ADA2: variants seen among roughly 807,000 people sequenced by gnomAD.
The protein encoded by ADA2 is adenosine deaminase 2, also known as adenosine deaminase CECR1.
In ADA2, 29 loss-of-function variants were observed where a neutral mutation model predicts 44.2. The ratio of observed to expected loss-of-function variants is 0.66; its 90% CI spans 0.49 to 0.89. ADA2 has a LOEUF of 0.89. ADA2 is among the 40% of genes least tolerant of loss of function. The pLI, the probability that ADA2 is intolerant of heterozygous loss-of-function variation, is 0.00. For missense variants in ADA2, 637 were observed against 644.8 expected, an observed-to-expected ratio of 0.99 and a Z score of 0.13; for synonymous variants, 215 against 234.9, an observed-to-expected ratio of 0.92 and a Z score of 0.77.
chr22:17,181,293 C>G lies in ADA2; in HGVS notation c.*190G>C. ...AGAGACAGGAGAAAACCAAGAGGGTCAATGTCACTGTGGCTGAGAGAGAAT... is the reference window on the plus strand; with the variant it reads ...AGAGACAGGAGAAAACCAAGAGGGTGAATGTCACTGTGGCTGAGAGAGAAT... On this transcript the variant is annotated 3_prime_UTR_variant, in exon 10 of 10. Transcript: ENST00000399837. 1 of 607,830 alleles carries G rather than the reference C, an allele frequency of 1.6e-6. No homozygotes were observed. The allele number at this position is 607,830 out of a possible 1,614,324, so 37.7% of individuals were successfully genotyped here. A position where few individuals can be genotyped will look rare whatever the true frequency, so the allele number is the denominator to read the frequency against.
chr22:17,182,100 G>T (rs28670875), intron 8 of ADA2, 78 bp from the exon 9 acceptor site: 2 of 1,126,212 alleles, frequency 1.8e-6, no homozygotes, highest in Non-Finnish European at 2.6e-6. Flanking sequence ...GAGACCTTGA[G>T]CCCCATCAGC....
intron 3 of ADA2, 58 bp downstream of exon 3, chr22:17,207,013 C>G: frequency 7.5e-7 from 1 of 1,333,688 alleles, no homozygotes; most frequent in Non-Finnish European, 1.1e-6. Flanking sequence ...AGGGAGACAC[C>G]TACCCACTGC....
upstream of ADA2, among the ~76,000 whole-genome samples, chr22:17,220,399 C>T (rs1323006092): frequency 6.6e-6 from 1 of 152,046 alleles, no homozygotes; most frequent in East Asian, 1.9e-4. Flanking sequence ...GGGCCTCGAC[C>T]AAGTTGTTTC....
upstream of ADA2, among the ~76,000 whole-genome samples, chr22:17,219,768 G>A (rs1295340562): frequency 2.1e-5 from 3 of 139,990 alleles, no homozygotes; most frequent in South Asian, 2.5e-4. Flanking sequence ...TCCGCCTCCC[G>A]GGTTCAAGCA....
intron 1 of ADA2, among the ~76,000 whole-genome samples, chr22:17,211,971 CAAAG>C (rs1279384088): frequency 6.6e-6 from 1 of 151,746 alleles, no homozygotes; most frequent in Admixed American, 6.6e-5. Context: ...AATTAAATAG[CAAAG>C]AAACAATTAA....
At chr22:17,199,067 G>A (rs1420726091) in intron 4 of ADA2, among the ~76,000 whole-genome samples, 2 of 152,150 alleles carry the variant, frequency 1.3e-5, no homozygotes, top group Non-Finnish European at 2.9e-5. Flanking sequence ...GACTCTCCGT[G>A]GCAAAAGCCT....
At chr22:17,200,718 C>T (rs1365113615) in intron 4 of ADA2, among the ~76,000 whole-genome samples, 2 of 151,752 alleles carry the variant, frequency 1.3e-5, no homozygotes, top group Non-Finnish European at 2.9e-5. Flanking sequence ...CCTGTCTCTA[C>T]TAATAATACA....
At position 17,207,525 on chromosome 22, in the gene ADA2, G is replaced by C. The variant is rs1326500407; in HGVS notation, c.323-235C>G. ...TCACAAGAAGACGTGCAAGCAGAAG[G>C]ATTTCTGTCCAGACATGTTTCTCGG... On this transcript the variant is annotated intron_variant, in intron 2 of 9. Transcript: ENST00000399837. Among the ~76,000 whole-genome samples the C allele has an allele frequency of 2.6e-5, 4 of 152,064 alleles. No individual in the cohort carries two copies. The South Asian group carries it at 8.3e-4, about 32-fold the overall frequency.
intron 4 of ADA2, among the ~76,000 whole-genome samples, chr22:17,198,184 C>G (rs1168636133): frequency 1.3e-5 from 2 of 152,218 alleles, no homozygotes; most frequent in Non-Finnish European, 2.9e-5. Flanking sequence ...AGAAAGGTGA[C>G]AGTCACTAGA....
chr22:17,188,885 AT>A (rs1491335102), intron 6 of ADA2, among the ~76,000 whole-genome samples: 1 of 120,316 alleles, frequency 8.3e-6, no homozygotes, highest in Non-Finnish European at 1.9e-5. Flanking sequence ...ATATATATAT[AT>A]TTTGTAAAGA....
intron 4 of ADA2, chr22:17,193,357 GCAAAAAAA>G: frequency 6.4e-5 from 3 of 47,028 alleles, no homozygotes; most frequent in Non-Finnish European, 7.2e-5. Context: ...CGTAAAAACT[GCAAAAAAA>G]AAAAAAAAAA....
Position 17,188,868 on chromosome 22 carries a change from A to AAAAAAAAAAATAT in ADA2, c.973-422_973-421insATATTTTTTTTTT. On this transcript the variant is annotated intron_variant, in intron 6 of 9. Transcript: ENST00000399837. Reference sequence around the variant, plus strand: ...CACTACAGCCTGGCCAAGAGCAAAAAATATATATATATATATATTTTGTAA... The same window carrying AAAAAAAAAAATAT: ...CACTACAGCCTGGCCAAGAGCAAAAAAAAAAAAAAATATATATATATATATATATATTTTGTAA... The AAAAAAAAAAATAT allele has an allele frequency of 7.4e-5, 6 of 81,128 alleles. 1 individual carries two copies. The highest frequency in any genetic ancestry group is 2.6e-4 in the Admixed American group (2 of 7,736). 5.0% of individuals were successfully genotyped at this position (81,128 alleles called of 1,614,324 possible). A position where few individuals can be genotyped will look rare whatever the true frequency, so the allele number is the denominator to read the frequency against.
chr22:17,201,332 C>T (rs949325233), intron 4 of ADA2, among the ~76,000 whole-genome samples: 3 of 152,178 alleles, frequency 2.0e-5, no homozygotes, highest in African/African-American at 7.2e-5. Flanking sequence ...TGAATTTGTT[C>T]AGTGTGTATT....
chr22:17,201,974 T>C (rs865995543), intron 4 of ADA2, among the ~76,000 whole-genome samples: 22 of 116,030 alleles, frequency 1.9e-4, no homozygotes, highest in East Asian at 1.2e-3. Flanking sequence ...TTTCTTTTTT[T>C]TTTTTTTTTT....
At chr22:17,199,799 T>C (rs1425022016) in intron 4 of ADA2, 8 of 1,386,756 alleles carry the variant, frequency 5.8e-6, no homozygotes, top group Non-Finnish European at 5.6e-6. Context: ...GATGAATTAA[T>C]AGCTGGGCAT....
intron 1 of ADA2, among the ~76,000 whole-genome samples, chr22:17,218,379 A>G (rs2062492815): frequency 6.6e-6 from 1 of 152,200 alleles, no homozygotes; most frequent in Admixed American, 6.6e-5. Context: ...TTATGGCAGA[A>G]GCTGTACCCC....
At chr22:17,203,499 G>T in intron 4 of ADA2, 64 bp downstream of exon 4, 1 of 1,328,362 alleles carries the variant, frequency 7.5e-7, no homozygotes, top group Non-Finnish European at 1.1e-6. Context: ...TCTTCTACCA[G>T]CTAAGATCTG....
At chr22:17,199,416 T>TCCTCCATCCCCTCCTCTATCCTCTTCC in intron 4 of ADA2, 3 of 429,640 alleles carry the variant, frequency 7.0e-6, no homozygotes, top group African/African-American at 2.5e-5. Context: ...TCTCAGCGTC[T>TCCTCCATCCCCTCCTCTATCCTCTTCC]CCTCCCTCCC....
intron 7 of ADA2, among the ~76,000 whole-genome samples, chr22:17,185,317 G>A (rs2062023790): frequency 6.6e-6 from 1 of 151,916 alleles, no homozygotes; most frequent in South Asian, 2.1e-4. Flanking sequence ...TCGGGAGGCT[G>A]AGGCAGGAGA....
Sources: allele counts gnomAD v4.1 joint callset (sites outside exome capture counted in the v4.1 genomes callset), GRCh38; gene constraint gnomAD v4.1.1; transcripts MANE v1.5; gene names NCBI Gene and HGNC (gene_info 2026-07-23, HGNC 2026-07-21).